The following PCDHGA7 variants were observed in gnomAD, a reference collection of about 807,000 sequenced individuals.
PCDHGA7 encodes protocadherin gamma-A7.
In PCDHGA7, 44 loss-of-function variants were observed where a neutral mutation model predicts 58.3. That is an observed-to-expected ratio of 0.75 (90% CI 0.59 to 0.97). The LOEUF is 0.97. Ranked by LOEUF, PCDHGA7 falls within the 50% of genes least tolerant of loss-of-function variation. The pLI, the probability that PCDHGA7 is intolerant of heterozygous loss-of-function variation, is 0.00. For missense variants in PCDHGA7, 1,266 were observed against 1,188.7 expected, an observed-to-expected ratio of 1.06 and a Z score of -0.96; for synonymous variants, 516 against 504.2, an observed-to-expected ratio of 1.02 and a Z score of -0.31.
At chr5:141,424,215 G>T in intron 1 of PCDHGA7, 1 of 167,104 alleles carries the variant, frequency 6.0e-6, no homozygotes. Flanking sequence ...TTTTCTCTGA[G>T]CAATTTTATT....
At chr5:141,404,096 G>C in intron 1 of PCDHGA7, 1 of 1,613,610 alleles carries the variant, frequency 6.2e-7, no homozygotes, top group Non-Finnish European at 8.5e-7. Flanking sequence ...GAATGGTCAA[G>C]TTGTCTGTTC....
At chr5:141,507,443 G>A (rs2099860678) in intron 3 of PCDHGA7, among the ~76,000 whole-genome samples, 2 of 152,200 alleles carry the variant, frequency 1.3e-5, no homozygotes. Flanking sequence ...TACAGCTGAC[G>A]GAAGGACAGA....
intron 1 of PCDHGA7, among the ~76,000 whole-genome samples, chr5:141,484,023 G>A (rs67828357): frequency 0.059 from 8,857 of 150,044 alleles, 313 homozygotes; most frequent in South Asian, 0.11. Context: ...GGTGGGGTGA[G>A]ATCAAGTCTC....
intron 1 of PCDHGA7, among the ~76,000 whole-genome samples, chr5:141,456,969 A>G (rs2098901241): frequency 1.4e-5 from 2 of 147,268 alleles, no homozygotes; most frequent in Non-Finnish European, 3.1e-5. Flanking sequence ...TCTCAAAACA[A>G]AACAAACAAA....
chr5:141,387,704 GC>G (rs1273015763), intron 1 of PCDHGA7: 1 of 969,516 alleles, frequency 1.0e-6, no homozygotes, highest in African/African-American at 1.6e-5. Flanking sequence ...TTCCAGGGCA[GC>G]CCCAGCTCAG....
chr5:141,415,590 A>G lies in PCDHGA7; in HGVS notation c.2424+30267A>G, dbSNP rs201666137. On this transcript the variant is annotated intron_variant, in intron 1 of 3. Transcript: ENST00000518325. ...TGTTAGATGATTCGAAGTTTCCTAT[A>G]GAGGATACCCCATTGGTTCCAGTGA... 60 of 1,613,946 alleles carry G rather than the reference A, an allele frequency of 3.7e-5. 1 individual carries two copies. The African/African-American group carries it at 7.2e-4, about 19-fold the overall frequency.
intron 1 of PCDHGA7, among the ~76,000 whole-genome samples, chr5:141,446,777 CT>C (rs1480571336): frequency 6.6e-6 from 1 of 152,072 alleles, no homozygotes; most frequent in South Asian, 2.1e-4. Context: ...GGTTACCATT[CT>C]TTTACTCTGA....
chr5:141,396,908 C>CA (rs1453541436), intron 1 of PCDHGA7, among the ~76,000 whole-genome samples: 1 of 152,146 alleles, frequency 6.6e-6, no homozygotes, highest in African/African-American at 2.4e-5. Flanking sequence ...TGGCACTTTG[C>CA]AATTTTAAAA....
At chr5:141,458,617 T>A (rs1392739721) in intron 1 of PCDHGA7, among the ~76,000 whole-genome samples, 6 of 152,170 alleles carry the variant, frequency 3.9e-5, no homozygotes, top group Non-Finnish European at 8.8e-5. Flanking sequence ...TCAGCCAGGC[T>A]GGAGTGCAGT....
intron 1 of PCDHGA7, chr5:141,395,711 G>A (rs2093302364): frequency 1.3e-5 from 2 of 154,440 alleles, no homozygotes; most frequent in African/African-American, 4.8e-5. Context: ...CCTGTAACTA[G>A]GCTCTTGTAG....
At position 141,431,906 on chromosome 5, in the gene PCDHGA7, A is replaced by G; in HGVS notation, c.2424+46583A>G. 1 of 1,613,868 alleles carries G rather than the reference A, an allele frequency of 6.2e-7. No individual in the cohort carries two copies. Among genetic ancestry groups the G allele is most frequent in the Non-Finnish European group, 8.5e-7 (1 of 1,179,692 alleles). On this transcript the variant is annotated intron_variant, in intron 1 of 3. Transcript: ENST00000518325. This position sits in a 1 kb window ranked among gnomAD's most constrained non-coding sequence, Gnocchi z 4.8. ...AGATTCTGAGGAAAACGGACAGGTG[A>G]TCTGTTTCATCCAAGGAAATCTGCC...
chr5:141,461,773 C>T (rs894271810), intron 1 of PCDHGA7, among the ~76,000 whole-genome samples: 3 of 152,108 alleles, frequency 2.0e-5, no homozygotes, highest in Non-Finnish European at 4.4e-5. Context: ...CCTGCCTCAG[C>T]CTCCCAAGTA....
rs372479779 is a variant in PCDHGA7, at chr5:141,399,808, C to T, written c.2424+14485C>T. On this transcript the variant is annotated intron_variant, in intron 1 of 3. Coordinates refer to ENST00000518325, the MANE Select transcript of PCDHGA7 (RefSeq NM_018920.4). The stretch of plus-strand genomic sequence containing the variant: ...CGACAACGCACCGCGGGTGCTGTAC[C>T]CCGCGCTGGGTCCCGACGGCTCTGC... 72 of 1,613,090 alleles carry T rather than the reference C, an allele frequency of 4.5e-5. No homozygotes were observed. The highest frequency in any genetic ancestry group is 6.0e-5 in the Non-Finnish European group (71 of 1,179,762).
chr5:141,399,908 C>G (rs141997055), intron 1 of PCDHGA7: 2 of 1,612,300 alleles, frequency 1.2e-6, no homozygotes, highest in African/African-American at 1.3e-5. Context: ...GACGCAGACT[C>G]AGGACACAAC....
At chr5:141,510,917 C>A in intron 3 of PCDHGA7, 30 bp from the exon 4 acceptor site, 2 of 1,613,854 alleles carry the variant, frequency 1.2e-6, no homozygotes, top group Non-Finnish European at 8.5e-7. Flanking sequence ...CTAAGTTTAG[C>A]TCCCACCTGA....
chr5:141,430,761 T>G, intron 1 of PCDHGA7: 5 of 1,506,132 alleles, frequency 3.3e-6, no homozygotes, highest in Non-Finnish European at 3.5e-6. Context: ...AAGATAAGAA[T>G]GATTCCTGCG....
At chr5:141,453,001 G>C (rs1225973632) in intron 1 of PCDHGA7, among the ~76,000 whole-genome samples, 3 of 152,168 alleles carry the variant, frequency 2.0e-5, no homozygotes, top group African/African-American at 7.2e-5. Flanking sequence ...AAAGTTACCT[G>C]TAGTATAGTT....
Position 141,464,279 on chromosome 5 carries a change from CA to C in PCDHGA7, c.2425-30517del, listed in dbSNP as rs373828487. Among the ~76,000 whole-genome samples, 143 of 137,732 alleles carry C rather than the reference CA, an allele frequency of 1.0e-3. 2 individuals are homozygous for C. The Middle Eastern group carries it at 0.015, about 15-fold the overall frequency. 90.4% of individuals were successfully genotyped at this position (137,732 alleles called of 152,430 possible). A position where few individuals can be genotyped will look rare whatever the true frequency, so the allele number is the denominator to read the frequency against. The stretch of plus-strand genomic sequence containing the variant: ...GACTCCGTCTAAAAAAAAAAAAAAG[CA>C]AAAAAAAAAACTCCATTGTATGTGC... On this transcript the variant is annotated intron_variant, in intron 1 of 3. Transcript: ENST00000518325.
chr5:141,458,463 C>T (rs749353395), intron 1 of PCDHGA7, among the ~76,000 whole-genome samples: 15 of 151,844 alleles, frequency 9.9e-5, no homozygotes, highest in Admixed American at 8.5e-4. Flanking sequence ...TTTAAAATAC[C>T]GTACAACTGC....
Sources: allele counts gnomAD v4.1 joint callset (sites outside exome capture counted in the v4.1 genomes callset), GRCh38; gene constraint gnomAD v4.1.1; non-coding constraint Gnocchi (gnomAD v3.1); transcripts MANE v1.5; gene names NCBI Gene and HGNC (gene_info 2026-07-23, HGNC 2026-07-21).